The following DNAH5 variants were observed in gnomAD, a reference collection of about 807,000 sequenced individuals.
DNAH5 encodes axonemal beta dynein heavy chain 5.
DNAH5 carries 372 observed loss-of-function variants against 518.2 expected under a neutral mutation model. The ratio of observed to expected loss-of-function variants is 0.72; its 90% CI spans 0.66 to 0.78. The LOEUF (loss-of-function observed/expected upper bound fraction) is 0.78. Ranked by LOEUF, DNAH5 falls within the 30% of genes least tolerant of loss-of-function variation. DNAH5 has a pLI of 0.00. For synonymous variants in DNAH5, 2,039 were observed against 2,025.9 expected, an observed-to-expected ratio of 1.01 and a Z score of -0.17; for missense variants, 5,523 against 5,687.0, an observed-to-expected ratio of 0.97 and a Z score of 0.93.
At chr5:13,819,486 G>A (rs1761942526) in intron 41 of DNAH5, among the ~76,000 whole-genome samples, 1 of 152,102 alleles carries the variant, frequency 6.6e-6, no homozygotes, top group South Asian at 2.1e-4. Context: ...TGCATCAGTA[G>A]CAGTGCACTG....
At chr5:13,737,130 A>T in intron 66 of DNAH5, 122 bp downstream of exon 66, 1 of 1,502,336 alleles carries the variant, frequency 6.7e-7, no homozygotes, top group Non-Finnish European at 9.2e-7. Flanking sequence ...CAGAAATTCC[A>T]CAAAACACCT....
chr5:13,989,623 A>G (rs1783361866), intron 1 of DNAH5, among the ~76,000 whole-genome samples: 1 of 151,782 alleles, frequency 6.6e-6, no homozygotes, highest in East Asian at 1.9e-4. Context: ...AGCTGGGACT[A>G]CAGGCGCCCG....
chr5:13,836,221 G>A (rs555604851), intron 35 of DNAH5, among the ~76,000 whole-genome samples: 1 of 152,272 alleles, frequency 6.6e-6, no homozygotes, highest in East Asian at 1.9e-4. Context: ...GATCAAACAC[G>A]CTAAGGTTAA....
At chr5:13,751,297 G>A in intron 64 of DNAH5, 37 bp from the exon 65 acceptor site, 1 of 1,517,032 alleles carries the variant, frequency 6.6e-7, no homozygotes, top group Non-Finnish European at 9.0e-7. Context: ...TAATAAAATA[G>A]AGATATACCT....
Position 13,845,000 on chromosome 5 carries a change from G to C in DNAH5, c.5115-7C>G. On this transcript the variant is annotated splice_polypyrimidine_tract_variant and splice_region_variant and intron_variant, in intron 31 of 78. Transcript: ENST00000265104. ...TCGTTTTTTCTCCAAGTACCTACAA[G>C]GAGAGGAAAAACATAAACCTTTATA... The C allele has an allele frequency of 6.3e-7, 1 of 1,595,064 alleles. No homozygotes were observed. Among genetic ancestry groups the C allele is most frequent in the Non-Finnish European group, 8.6e-7 (1 of 1,166,690 alleles).
intron 12 of DNAH5, among the ~76,000 whole-genome samples, chr5:13,910,984 G>A (rs9312853): frequency 0.62 from 94,814 of 152,102 alleles, 30,293 homozygotes; most frequent in East Asian, 0.94. Context: ...AAGGCCAGTG[G>A]CAGCCCTGCC....
intron 17 of DNAH5, among the ~76,000 whole-genome samples, chr5:13,889,425 T>C (rs1230927807): frequency 1.3e-5 from 2 of 152,172 alleles, no homozygotes; most frequent in African/African-American, 4.8e-5. Context: ...TAACCTGCCA[T>C]ATATGCAGAA....
chr5:13,924,818 C>T (rs1777692631), intron 3 of DNAH5, among the ~76,000 whole-genome samples: 1 of 152,160 alleles, frequency 6.6e-6, no homozygotes, highest in African/African-American at 2.4e-5. Context: ...GAACAGTCAT[C>T]TTTGATTATC....
chr5:13,964,085 G>C (rs192603265), intron 1 of DNAH5, among the ~76,000 whole-genome samples: 2 of 152,338 alleles, frequency 1.3e-5, no homozygotes, highest in Non-Finnish European at 2.9e-5. Context: ...ACAGTAGTCT[G>C]ATAGGACTGT....
Position 13,807,656 on chromosome 5 carries a change from C to T in DNAH5, c.7822G>A (p.Asp2608Asn). ...CTCTTGATCATGTGACATTCAGGAT[C>T]ATATTTTGACATAAATCCTTTAATT... ...VIIKGFMSKY[D>N]PECHMIKSLN... The change falls in exon 47 of 79, where the codon GAT becomes AAT. Residue 2608 changes from aspartate (D) to asparagine (N), a missense_variant. Physicochemically the swap from Asp to Asn is conservative, Grantham distance 23. Around this residue, in one of 3 missense-constraint regions of DNAH5, gnomAD observed 5,121 missense variants for 5,223.3 expected, o/e 0.98. Transcript: ENST00000265104. 6.2e-7 allele frequency: 1 copy of T among 1,611,122 alleles called. No individual in the cohort carries two copies. Among genetic ancestry groups the T allele is most frequent in the Non-Finnish European group, 8.5e-7 (1 of 1,178,092 alleles).
chr5:13,823,772 G>C (rs1375027527), intron 39 of DNAH5, among the ~76,000 whole-genome samples: 1 of 152,122 alleles, frequency 6.6e-6, no homozygotes, highest in African/African-American at 2.4e-5. Flanking sequence ...CTATCATTTT[G>C]TGACCCTTTA....
intron 17 of DNAH5, 22 bp downstream of exon 17, chr5:13,890,954 A>G (rs779899273): frequency 6.2e-7 from 1 of 1,613,838 alleles, no homozygotes; most frequent in Admixed American, 1.7e-5. Flanking sequence ...CCTTAAACAA[A>G]AAAAATCAAG....
intron 30 of DNAH5, among the ~76,000 whole-genome samples, chr5:13,854,750 CA>C (rs915131047): frequency 6.6e-6 from 1 of 151,972 alleles, no homozygotes; most frequent in African/African-American, 2.4e-5. Flanking sequence ...TTTAAACCAA[CA>C]AAGATCAAAA....
In DNAH5 at chr5:13,727,525, A is replaced by G. The variant is rs1745916345; in HGVS notation, c.12015T>C (p.Pro4005=). 1 of 1,613,358 alleles carries G rather than the reference A, an allele frequency of 6.2e-7. No individual in the cohort carries two copies. The highest frequency in any genetic ancestry group is 1.3e-5 in the African/African-American group (1 of 74,900). ...TTTTTACCTGGGCGATGGTTCTGTC[A>G]GGACACCAGGATCTAATAAGGAGAA... ...RRLLLIRSWC[P]DRTIAQARKY... Residue 4005 remains proline (P), a synonymous_variant, in exon 70 of 79, where the codon CCT becomes CCC. Transcript: ENST00000265104.
intron 35 of DNAH5, among the ~76,000 whole-genome samples, chr5:13,835,478 C>G (rs1215369871): frequency 6.6e-6 from 1 of 152,146 alleles, no homozygotes; most frequent in African/African-American, 2.4e-5. Flanking sequence ...GTCCATCCAA[C>G]AGGGCAATTC....
intron 1 of DNAH5, among the ~76,000 whole-genome samples, chr5:13,998,126 G>A (rs1397241999): frequency 5.3e-5 from 8 of 152,300 alleles, no homozygotes; most frequent in African/African-American, 7.2e-5. Context: ...TTACAGGCGT[G>A]AGCCACCATG....
At position 13,766,026 on chromosome 5, in the gene DNAH5, G is replaced by T. The variant is rs770720791; in HGVS notation, c.10051C>A (p.Gln3351Lys). The T allele has an allele frequency of 6.2e-6, 10 of 1,614,198 alleles. No individual in the cohort carries two copies. The East Asian group carries it at 2.2e-4, about 36-fold the overall frequency. ...LEKSCTMPSW[Q>K]ESLKLMTAGN... is the part of the protein sequence containing the mutation. Reference sequence around the variant, plus strand: ...GCAGTCATCAATTTTAAGGATTCCTGCCAGGAGGGCATGGTACAGCTTTTT... The same window carrying T: ...GCAGTCATCAATTTTAAGGATTCCTTCCAGGAGGGCATGGTACAGCTTTTT... The change falls in exon 59 of 79, where the codon CAG (glutamine) becomes AAG (lysine). Residue 3351 changes from glutamine to lysine, a missense_variant. By Grantham distance (53) the Gln-to-Lys change is moderately conservative (BLOSUM62 1). This residue lies in a region of DNAH5 where 5,121 missense variants were observed against 5,223.3 expected (regional missense o/e 0.98). Coordinates refer to ENST00000265104, the MANE Select transcript of DNAH5 (RefSeq NM_001369.3).
At chr5:13,818,648 G>A (rs1010909993) in intron 41 of DNAH5, among the ~76,000 whole-genome samples, 14 of 152,088 alleles carry the variant, frequency 9.2e-5, no homozygotes, top group Non-Finnish European at 1.8e-4. Flanking sequence ...CATCACCTTG[G>A]CCTCTACTCA....
At chr5:13,966,228 T>A (rs1362282116) in intron 1 of DNAH5, among the ~76,000 whole-genome samples, 1 of 152,028 alleles carries the variant, frequency 6.6e-6, no homozygotes, top group Non-Finnish European at 1.5e-5. Flanking sequence ...TGTATGTGTG[T>A]ATATATATCA....
Sources: gnomAD v4.1 joint callset for allele counts (sites outside exome capture counted in the v4.1 genomes callset) on GRCh38, gnomAD v4.1.1 for gene constraint, gnomAD v4.1.1 regional missense constraint, MANE v1.5 for transcripts, NCBI Gene and HGNC (gene_info 2026-07-23, HGNC 2026-07-21) for gene names.